Variants in CCT3 observed in about 807,000 individuals in gnomAD.
The protein encoded by CCT3 is chaperonin containing TCP1 subunit 3, also known as T-complex protein 1 subunit gamma.
Under a neutral mutation model 65.3 loss-of-function variants are expected in CCT3, and 10 were observed. The ratio of observed to expected loss-of-function variants is 0.15; its 90% CI spans 0.09 to 0.26. CCT3 has a LOEUF of 0.26. Among genes scored for constraint, CCT3 ranks in the 10% least tolerant of loss-of-function variants. The pLI is 1.00. For synonymous variants in CCT3, 225 were observed against 242.3 expected (o/e 0.93, Z 0.66); for missense variants, 626 against 708.7 (o/e 0.88, Z 1.33).
In CCT3 at chr1:156,334,748, C is replaced by A. The variant is rs980671627; in HGVS notation, c.172G>T (p.Val58Leu). The A allele has an allele frequency of 6.2e-7, 1 of 1,613,990 alleles. No homozygotes were observed. The highest frequency in any genetic ancestry group is 8.5e-7 in the Non-Finnish European group (1 of 1,180,014). ...KMLLDPMGGIVMTNDGNAILR... is the reference protein window; with the variant it reads ...KMLLDPMGGILMTNDGNAILR... ...ATGGCATTGCCATCATTGGTCATCA[C>A]AATGCCTCCCATTGGGTCCAAAAGC... Residue 58 changes from valine to leucine, a missense_variant, in exon 4 of 14, where the codon GTG (valine) becomes TTG (leucine). By Grantham distance (32) the Val-to-Leu change is conservative (BLOSUM62 1). Transcript: ENST00000295688.
intron 10 of CCT3, among the ~76,000 whole-genome samples, chr1:156,315,781 T>C (rs1364228221): frequency 2.0e-5 from 3 of 152,140 alleles, no homozygotes; most frequent in Non-Finnish European, 4.4e-5. Flanking sequence ...ATAGTTGAAT[T>C]CAAAATATAC....
intron 5 of CCT3, among the ~76,000 whole-genome samples, chr1:156,329,588 A>C (rs1162426394): frequency 6.6e-6 from 1 of 151,464 alleles, no homozygotes. Context: ...TACAGGCGTA[A>C]GCCACCGCGC....
At chr1:156,311,229 G>C (rs12132794) in intron 11 of CCT3, 34 bp from the exon 12 acceptor site, 439,610 of 1,593,928 alleles carry the variant, frequency 0.28, 63,015 homozygotes, top group Non-Finnish European at 0.29. Context: ...TGAAGCCAAA[G>C]CTTGATGACT....
rs1272757549 is a variant in CCT3, at chr1:156,310,801, G to A, written c.1402-112C>T. The A allele has an allele frequency of 4.8e-6, 7 of 1,447,412 alleles. No homozygotes were observed. In the South Asian group the frequency reaches 8.8e-5, roughly 18 times the overall value. The allele number at this position is 1,447,412 out of a possible 1,614,324, so 89.7% of individuals were successfully genotyped here. A position where few individuals can be genotyped will look rare whatever the true frequency, so the allele number is the denominator to read the frequency against. On this transcript the variant is annotated intron_variant, in intron 12 of 13. Transcript: ENST00000295688. ...GGAAGGGACAGGGAAAAATGGCAAT[G>A]ACAGCAAACAAGTCAAAGACTAAAA...
At position 156,311,913 on chromosome 1, in the gene CCT3, G is replaced by C. The variant is rs188368334; in HGVS notation, c.1155+128C>G. 12 of 569,402 alleles carry C rather than the reference G, an allele frequency of 2.1e-5. No individual in the cohort carries two copies. The East Asian group carries it at 3.7e-4, about 17-fold the overall frequency. 35.3% of individuals were successfully genotyped at this position (569,402 alleles called of 1,614,324 possible). A position where few individuals can be genotyped will look rare whatever the true frequency, so the allele number is the denominator to read the frequency against. ...TAATTAAAAAAAGGAAGCAGAAAAG[G>C]AATTTGTGGCTATAGGTCCAAATTA... On this transcript the variant is annotated intron_variant, in intron 11 of 13. Coordinates refer to ENST00000295688, the MANE Select transcript of CCT3 (RefSeq NM_005998.5).
At chr1:156,334,271 CAT>C (rs965411918) in intron 4 of CCT3, among the ~76,000 whole-genome samples, 2 of 151,074 alleles carry the variant, frequency 1.3e-5, no homozygotes, top group African/African-American at 2.4e-5. Flanking sequence ...ATGTTGAAGT[CAT>C]AACTCCCAGA....
chr1:156,309,117 G>A lies in CCT3; in HGVS notation c.*82C>T, dbSNP rs563097167. ...AACCTGATCCCTTCTGAACAAAGAC[G>A]TCCACAGTGTTCCTGGCACTCTGGC... On this transcript the variant is annotated 3_prime_UTR_variant, in exon 14 of 14. Transcript: ENST00000295688. 105 of 934,436 alleles carry A rather than the reference G, an allele frequency of 1.1e-4. No individual in the cohort carries two copies. In the South Asian group the frequency reaches 1.2e-3, roughly 11 times the overall value. 57.9% of individuals were successfully genotyped at this position (934,436 alleles called of 1,614,324 possible).
At position 156,311,130 on chromosome 1, in the gene CCT3, C is replaced by T; in HGVS notation, c.1221G>A (p.Leu407=). 3 of 1,614,078 alleles carry T rather than the reference C, an allele frequency of 1.9e-6. No homozygotes were observed. The highest frequency in any genetic ancestry group is 2.5e-6 in the Non-Finnish European group (3 of 1,179,980). The change falls in exon 12 of 14, where the codon CTG becomes CTA. Residue 407 remains leucine, a synonymous_variant. Coordinates refer to ENST00000295688, the MANE Select transcript of CCT3 (RefSeq NM_005998.5). The part of the protein sequence containing the change: ...VCRNVLLDPQ[L]VPGGGASEMA... ...TCTCGGAGGCCCCACCCCCTGGCAC[C>T]AGCTGAGGGTCCAGGAGAACATTGC...
intron 8 of CCT3, 122 bp downstream of exon 8, chr1:156,318,746 C>T (rs747181451): frequency 2.3e-5 from 20 of 865,704 alleles, no homozygotes; most frequent in Non-Finnish European, 3.3e-5. Flanking sequence ...AAGGATTGTT[C>T]TAAGAGTCAG....
intron 10 of CCT3, among the ~76,000 whole-genome samples, chr1:156,314,104 A>AAAAAAAAAAAAAAC (rs1215649044): frequency 7.3e-6 from 1 of 136,742 alleles, no homozygotes; most frequent in Non-Finnish European, 1.6e-5. Flanking sequence ...AAAAAAAAAA[A>AAAAAAAAAAAAAAC]GTCAACATTA....
At chr1:156,337,027 A>C in intron 1 of CCT3, 1 of 1,242,438 alleles carries the variant, frequency 8.0e-7, no homozygotes, top group Non-Finnish European at 1.0e-6. Context: ...GGAGATGGCT[A>C]GCCAGGCTCT....
intron 6 of CCT3, among the ~76,000 whole-genome samples, chr1:156,323,365 A>C (rs1664650408): frequency 6.6e-6 from 1 of 152,124 alleles, no homozygotes; most frequent in South Asian, 2.1e-4. Flanking sequence ...AAATTACTAA[A>C]CACTTATGCA....
chr1:156,323,464 T>A (rs1407628762), intron 6 of CCT3, among the ~76,000 whole-genome samples: 2 of 152,166 alleles, frequency 1.3e-5, no homozygotes, highest in East Asian at 3.8e-4. Context: ...TACATTTTTA[T>A]TTTTATTTAT....
chr1:156,327,327 C>A (rs1284424932), intron 5 of CCT3, among the ~76,000 whole-genome samples: 1 of 152,178 alleles, frequency 6.6e-6, no homozygotes, highest in African/African-American at 2.4e-5. Flanking sequence ...TCCACGGTCT[C>A]CCTCTGATGC....
chr1:156,319,089 TC>T, intron 7 of CCT3, 72 bp from the exon 8 acceptor site: 1 of 1,384,278 alleles, frequency 7.2e-7, no homozygotes, highest in South Asian at 1.3e-5. Context: ...CAGATGTTCA[TC>T]TTTCCCAAAC....
rs1663975858 is a variant in CCT3 at position 156,309,429 on chromosome 1, CTTTTA to C, written c.1534-131_1534-127del. 1.8e-5 allele frequency: 12 copies of C among 671,466 alleles called. No homozygotes were observed. In the South Asian group the frequency reaches 2.1e-4, roughly 12 times the overall value. The allele number at this position is 671,466 out of a possible 1,614,324, so 41.6% of individuals were successfully genotyped here. ...TTTGTCTGAAATCTACCTTTTCAGT[CTTTTA>C]TTTTTTTTTGAGACGCAGTTTCCCT... On this transcript the variant is annotated intron_variant, in intron 13 of 13. Transcript: ENST00000295688.
In CCT3 at chr1:156,309,185, G is replaced by A; in HGVS notation, c.*14C>T. The A allele has an allele frequency of 6.5e-7, 1 of 1,546,358 alleles. No homozygotes were observed. Among genetic ancestry groups the A allele is most frequent in the African/African-American group, 1.4e-5 (1 of 73,590 alleles). ...TCTGCTGGTTCTGTGCATTGAAGTA[G>A]CCTTGCCTAGCACTCACTCCTGGCC... On this transcript the variant is annotated 3_prime_UTR_variant, in exon 14 of 14. Coordinates refer to ENST00000295688, the MANE Select transcript of CCT3 (RefSeq NM_005998.5).
intron 6 of CCT3, 140 bp from the exon 7 acceptor site, chr1:156,321,165 G>C: frequency 4.6e-6 from 3 of 648,454 alleles, no homozygotes; most frequent in Non-Finnish European, 7.8e-6. Context: ...AAACTAAAAG[G>C]ACATTAGGAG....
intron 6 of CCT3, among the ~76,000 whole-genome samples, chr1:156,323,639 G>A (rs1399041626): frequency 6.6e-6 from 1 of 151,524 alleles, no homozygotes; most frequent in Non-Finnish European, 1.5e-5. Flanking sequence ...TTATTTTTTT[G>A]TATTTTTAGT....
Sources: allele counts gnomAD v4.1 joint callset (sites outside exome capture counted in the v4.1 genomes callset), GRCh38; gene constraint gnomAD v4.1.1; transcripts MANE v1.5; gene names NCBI Gene and HGNC (gene_info 2026-07-23, HGNC 2026-07-21).